POU6F2: variants seen among roughly 807,000 people sequenced by gnomAD.
POU6F2 encodes the protein POU class 6 homeobox 2, also known as POU domain, class 6, transcription factor 2.
POU6F2 carries 31 observed loss-of-function variants against 71.3 expected under a neutral mutation model. That is an observed-to-expected ratio of 0.43 (90% CI 0.33 to 0.59). POU6F2 has a LOEUF of 0.59. POU6F2 is among the 20% of genes least tolerant of loss of function. The probability of loss-of-function intolerance (pLI) is 0.04; values close to 1 mark genes in which losing one functional copy is unlikely to be tolerated. For missense variants in POU6F2, 783 were observed against 856.8 expected (o/e 0.91, Z 1.07); for synonymous variants, 347 against 355.7 (o/e 0.98, Z 0.27).
At chr7:39,144,228 A>AT (rs1395635527) in intron 2 of POU6F2, among the ~76,000 whole-genome samples, 1 of 152,208 alleles carries the variant, frequency 6.6e-6, no homozygotes, top group East Asian at 1.9e-4. Context: ...TAAAAAGCTC[A>AT]CTTATGATAA....
At chr7:39,418,836 A>G (rs1187479649) in intron 6 of POU6F2, among the ~76,000 whole-genome samples, 1 of 150,812 alleles carries the variant, frequency 6.6e-6, no homozygotes, top group African/African-American at 2.4e-5. Flanking sequence ...TAACGTGTGT[A>G]AGTGCCTAAT....
At chr7:39,247,921 CT>C (rs1165491711) in intron 4 of POU6F2, among the ~76,000 whole-genome samples, 1 of 152,170 alleles carries the variant, frequency 6.6e-6, no homozygotes, top group Non-Finnish European at 1.5e-5. Flanking sequence ...ACTCTTCTTT[CT>C]GGGTAGAGGT....
chr7:39,187,752 G>A (rs550918503), intron 2 of POU6F2, among the ~76,000 whole-genome samples: 21 of 152,208 alleles, frequency 1.4e-4, no homozygotes, highest in Non-Finnish European at 2.8e-4. Context: ...AGAAAATGCC[G>A]AGTTTTTTTG....
At position 39,434,976 on chromosome 7, in the gene POU6F2, C is replaced by T. The variant is rs368716819; in HGVS notation, c.1320+1693C>T. Among the ~76,000 whole-genome samples the T allele has an allele frequency of 8.5e-4, 129 of 152,252 alleles. 3 individuals carry two copies. The South Asian group carries it at 0.023, about 28-fold the overall frequency. On this transcript the variant is annotated intron_variant, in intron 7 of 9. Transcript: ENST00000518318. ...AAGGACATGACCTCATTCCTTTTTA[C>T]GGCAGCATAGTATTCCATGGTGTAT... is the stretch of plus-strand genomic sequence containing the variant.
chr7:39,160,164 T>A (rs2128736377), intron 2 of POU6F2, among the ~76,000 whole-genome samples: 1 of 152,326 alleles, frequency 6.6e-6, no homozygotes, highest in Non-Finnish European at 1.5e-5. Context: ...ATGGAGCATA[T>A]GTCATAGAGC....
At chr7:39,035,494 G>A (rs1334915992) in intron 1 of POU6F2, among the ~76,000 whole-genome samples, 1 of 152,148 alleles carries the variant, frequency 6.6e-6, no homozygotes, top group Non-Finnish European at 1.5e-5. Flanking sequence ...TTCTTTTGGT[G>A]TATCCCACAG....
chr7:39,017,571 A>G (rs961419473), intron 1 of POU6F2, among the ~76,000 whole-genome samples: 1 of 151,886 alleles, frequency 6.6e-6, no homozygotes, highest in African/African-American at 2.4e-5. Context: ...AGTAGGAGTC[A>G]CTCCGTAGAG....
At chr7:39,350,155 A>G (rs1786113005) in intron 5 of POU6F2, among the ~76,000 whole-genome samples, 1 of 152,058 alleles carries the variant, frequency 6.6e-6, no homozygotes, top group African/African-American at 2.4e-5. Context: ...AGTTTTCTAC[A>G]CCAGGAGATA....
At chr7:39,327,854 CAA>C (rs34503228) in intron 4 of POU6F2, among the ~76,000 whole-genome samples, 29 of 131,568 alleles carry the variant, frequency 2.2e-4, no homozygotes, top group Admixed American at 3.0e-4. Context: ...TAGTTTGTGT[CAA>C]AAAAAAAAAA....
At chr7:39,440,029 TAG>T (rs1206470240) in intron 7 of POU6F2, among the ~76,000 whole-genome samples, 13 of 152,250 alleles carry the variant, frequency 8.5e-5, no homozygotes, top group African/African-American at 2.7e-4. Flanking sequence ...TTCTGGCTTG[TAG>T]AGTTTCTGCT....
chr7:39,051,444 A>T (rs1395364902), intron 1 of POU6F2, among the ~76,000 whole-genome samples: 2 of 152,280 alleles, frequency 1.3e-5, no homozygotes, highest in South Asian at 2.1e-4. Flanking sequence ...TTCTATGTAC[A>T]TAATATTCAG....
chr7:39,438,378 C>T (rs140063432), intron 7 of POU6F2, among the ~76,000 whole-genome samples: 2,100 of 152,282 alleles, frequency 0.014, 22 homozygotes, highest in Middle Eastern at 0.037. Flanking sequence ...CAAGTCTTTG[C>T]TGTTGTGAGT....
At chr7:39,209,615 AT>A (rs2128746365) in intron 4 of POU6F2, among the ~76,000 whole-genome samples, 1 of 152,332 alleles carries the variant, frequency 6.6e-6, no homozygotes, top group South Asian at 2.1e-4. Flanking sequence ...GGCAATAAGG[AT>A]GGTAATCAGG....
At chr7:39,379,957 A>C (rs889962543) in intron 5 of POU6F2, among the ~76,000 whole-genome samples, 1 of 152,160 alleles carries the variant, frequency 6.6e-6, no homozygotes, top group Non-Finnish European at 1.5e-5. Context: ...AAGCAGGGAA[A>C]TGTATTTTAC....
intron 2 of POU6F2, among the ~76,000 whole-genome samples, chr7:39,102,384 G>C (rs557658600): frequency 1.3e-5 from 2 of 152,122 alleles, no homozygotes; most frequent in Admixed American, 1.3e-4. Flanking sequence ...CATTTCCACT[G>C]TTTGCCTAGT....
At chr7:39,150,744 A>T (rs1311935339) in intron 2 of POU6F2, among the ~76,000 whole-genome samples, 1 of 152,130 alleles carries the variant, frequency 6.6e-6, no homozygotes, top group Non-Finnish European at 1.5e-5. Flanking sequence ...CTGGGATTAC[A>T]GGTGTGAGCC....
At chr7:39,306,678 C>A (rs1171558238) in intron 4 of POU6F2, among the ~76,000 whole-genome samples, 4 of 152,156 alleles carry the variant, frequency 2.6e-5, no homozygotes, top group African/African-American at 9.7e-5. Context: ...TAGCTAAATT[C>A]AGAAAAAGTG....
chr7:39,346,687 G>A (rs76776337), intron 5 of POU6F2, among the ~76,000 whole-genome samples: 1,742 of 152,316 alleles, frequency 0.011, 47 homozygotes, highest in African/African-American at 0.039. Flanking sequence ...AAAATATGCC[G>A]GCTGGCACTT....
chr7:39,114,234 G>A (rs1475007613), intron 2 of POU6F2, among the ~76,000 whole-genome samples: 1 of 152,108 alleles, frequency 6.6e-6, no homozygotes, highest in East Asian at 1.9e-4. Flanking sequence ...CCATGTGATG[G>A]TTATGGTAGT....
Sources: gnomAD v4.1 joint callset for allele counts (sites outside exome capture counted in the v4.1 genomes callset) on GRCh38, gnomAD v4.1.1 for gene constraint, MANE v1.5 for transcripts, NCBI Gene and HGNC (gene_info 2026-07-23, HGNC 2026-07-21) for gene names.